TAF1B: variants seen among roughly 807,000 people sequenced by gnomAD.
TAF1B encodes the protein TATA box-binding protein-associated factor RNA polymerase I subunit B.
Under a neutral mutation model 83.9 loss-of-function variants are expected in TAF1B, and 61 were observed. That is an observed-to-expected ratio of 0.73 (90% CI 0.59 to 0.90). The LOEUF (loss-of-function observed/expected upper bound fraction) is 0.90, where lower values mean the gene tolerates loss of function less well. Among genes scored for constraint, TAF1B ranks in the 40% least tolerant of loss-of-function variants. The probability of loss-of-function intolerance (pLI) is 0.00; values close to 1 mark genes in which losing one functional copy is unlikely to be tolerated. For synonymous variants in TAF1B, 221 were observed against 224.6 expected, an observed-to-expected ratio of 0.98 and a Z score of 0.14; for missense variants, 625 against 677.0, an observed-to-expected ratio of 0.92 and a Z score of 0.85.
At chr2:9,861,687 G>C (rs570501887) in intron 5 of TAF1B, among the ~76,000 whole-genome samples, 1 of 152,246 alleles carries the variant, frequency 6.6e-6, no homozygotes. Context: ...CTAACTGGGA[G>C]GCACCCCCCA....
In TAF1B at chr2:9,911,371, T is replaced by A; in HGVS notation, c.1134-140T>A. ...ACAGTATTTATAGTGTCTCCTCCTC[T>A]GTTTCAGTGATTGCTTCTCCATTAA... On this transcript the variant is annotated intron_variant, in intron 10 of 14. Coordinates refer to ENST00000263663, the MANE Select transcript of TAF1B (RefSeq NM_005680.3). 8.1e-6 allele frequency: 5 copies of A among 614,318 alleles called. No homozygotes were observed. The South Asian group carries it at 9.3e-5, about 11-fold the overall frequency. The allele number at this position is 614,318 out of a possible 1,614,324, so 38.1% of individuals were successfully genotyped here. A position where few individuals can be genotyped will look rare whatever the true frequency, so the allele number is the denominator to read the frequency against.
At chr2:9,908,831 T>C (rs1249998999) in intron 9 of TAF1B, among the ~76,000 whole-genome samples, 2 of 152,244 alleles carry the variant, frequency 1.3e-5, no homozygotes, top group African/African-American at 4.8e-5. Context: ...CTGTTTGCAT[T>C]TCCTGAAAGC....
chr2:9,862,968 C>T (rs1283877931), intron 5 of TAF1B, among the ~76,000 whole-genome samples: 49 of 152,196 alleles, frequency 3.2e-4, no homozygotes, highest in Non-Finnish European at 3.8e-4. Flanking sequence ...AAGGAACAAC[C>T]GGTACCAGCC....
chr2:9,876,102 TAAG>T, intron 7 of TAF1B, 84 bp downstream of exon 7: 1 of 1,384,166 alleles, frequency 7.2e-7, no homozygotes, highest in East Asian at 2.3e-5. Flanking sequence ...TTGATTTTTA[TAAG>T]AAGGCTTAAC....
At chr2:9,860,056 G>C (rs1334613837) in intron 5 of TAF1B, among the ~76,000 whole-genome samples, 1 of 152,184 alleles carries the variant, frequency 6.6e-6, no homozygotes, top group Non-Finnish European at 1.5e-5. Flanking sequence ...GAGTGTGCAG[G>C]GGGAAATGCC....
intron 8 of TAF1B, among the ~76,000 whole-genome samples, chr2:9,889,942 T>C (rs973052672): frequency 2.0e-5 from 3 of 152,202 alleles, no homozygotes; most frequent in African/African-American, 7.2e-5. Flanking sequence ...GTTATTTTTT[T>C]CCCTGGCCTC....
intron 2 of TAF1B, among the ~76,000 whole-genome samples, chr2:9,847,186 C>G (rs372238485): frequency 1.3e-5 from 2 of 152,184 alleles, no homozygotes; most frequent in African/African-American, 4.8e-5. Context: ...GGAAGACTGT[C>G]AACTCCTGTG....
rs527579370 is a variant in TAF1B, at chr2:9,919,686, C to T, written c.1431C>T (p.Phe477=). The change falls in exon 14 of 15, where the codon TTC becomes TTT. Residue 477 remains phenylalanine (F), a synonymous_variant. Coordinates refer to ENST00000263663, the MANE Select transcript of TAF1B (RefSeq NM_005680.3). ...AGKKSPSSFQ[F]NWTEEDTDRT... ...AAAAAAGCCCTTCAAGTTTTCAGTT[C>T]AACTGGACTGAAGAGGACACTGATA... The T allele has an allele frequency of 3.7e-6, 6 of 1,614,170 alleles. No individual in the cohort carries two copies. The African/African-American group carries it at 8.0e-5, about 22-fold the overall frequency.
At chr2:9,919,947 G>A in intron 14 of TAF1B, 127 bp downstream of exon 14, 1 of 855,614 alleles carries the variant, frequency 1.2e-6, no homozygotes, top group Non-Finnish European at 1.8e-6. Context: ...TATACATTGA[G>A]TCTTGTGTAG....
intron 7 of TAF1B, among the ~76,000 whole-genome samples, chr2:9,876,981 C>T (rs929299910): frequency 4.6e-5 from 7 of 152,130 alleles, no homozygotes; most frequent in Admixed American, 1.3e-4. Context: ...AAATGTAATG[C>T]CTCCAGTAAA....
At chr2:9,847,338 T>C (rs1023794768) in intron 2 of TAF1B, among the ~76,000 whole-genome samples, 4 of 152,218 alleles carry the variant, frequency 2.6e-5, no homozygotes, top group African/African-American at 9.6e-5. Flanking sequence ...GTAGTTATTC[T>C]TGGCTTTATG....
chr2:9,904,778 G>A, intron 8 of TAF1B, 81 bp from the exon 9 acceptor site: 1 of 1,351,758 alleles, frequency 7.4e-7, no homozygotes, highest in Non-Finnish European at 1.0e-6. Flanking sequence ...TTTAATAATA[G>A]CCATTCTAAA....
chr2:9,862,322 A>G (rs1213009579), intron 5 of TAF1B, among the ~76,000 whole-genome samples: 5 of 152,240 alleles, frequency 3.3e-5, no homozygotes, highest in South Asian at 4.1e-4. Flanking sequence ...AGCTGATGCA[A>G]TCAACTGGAA....
intron 6 of TAF1B, among the ~76,000 whole-genome samples, chr2:9,874,071 A>G (rs1392652012): frequency 1.3e-5 from 2 of 152,004 alleles, no homozygotes; most frequent in Non-Finnish European, 2.9e-5. Flanking sequence ...CATTCCCACC[A>G]CTTTCCCTCA....
chr2:9,912,453 A>C (rs1374623539), intron 11 of TAF1B, among the ~76,000 whole-genome samples: 1 of 152,210 alleles, frequency 6.6e-6, no homozygotes, highest in Non-Finnish European at 1.5e-5. Flanking sequence ...TGTTCTTTCC[A>C]GAATATGTGC....
chr2:9,851,409 C>A, intron 3 of TAF1B, 132 bp from the exon 4 acceptor site: 1 of 576,218 alleles, frequency 1.7e-6, no homozygotes, highest in Non-Finnish European at 2.8e-6. Context: ...TGCTAAGCTG[C>A]TAAGTTCTGG....
At chr2:9,863,790 AACTC>A (rs1174844776) in intron 5 of TAF1B, among the ~76,000 whole-genome samples, 1 of 152,230 alleles carries the variant, frequency 6.6e-6, no homozygotes, top group Admixed American at 6.5e-5. Context: ...AAGATTAAGA[AACTC>A]ACTCAAAACT....
At position 9,910,883 on chromosome 2, in the gene TAF1B, T is replaced by C. The variant is rs1249685243; in HGVS notation, c.1103T>C (p.Leu368Pro). The change falls in exon 10 of 15, where the codon CTG becomes CCG. Residue 368 changes from leucine (L) to proline (P), a missense_variant. By Grantham distance (98) the Leu-to-Pro change is moderately conservative. Coordinates refer to ENST00000263663, the MANE Select transcript of TAF1B (RefSeq NM_005680.3). ...GCTATCATTGTGGTGGTATTGAAACTGCTCTTTCTATTGGATGACAGTTTC... is the reference window on the plus strand; with the variant it reads ...GCTATCATTGTGGTGGTATTGAAACCGCTCTTTCTATTGGATGACAGTTTC... ...AVAIIVVVLK[L>P]LFLLDDSFEW... 6.2e-7 allele frequency: 1 copy of C among 1,611,416 alleles called. No individual in the cohort carries two copies. The highest frequency in any genetic ancestry group is 1.3e-5 in the African/African-American group (1 of 74,902).
intron 5 of TAF1B, among the ~76,000 whole-genome samples, chr2:9,854,961 A>C (rs1663512310): frequency 3.3e-5 from 5 of 152,042 alleles, no homozygotes. Flanking sequence ...TTCTACTTCT[A>C]AGAAAAGCAA....
Sources: allele counts gnomAD v4.1 joint callset (sites outside exome capture counted in the v4.1 genomes callset), GRCh38; gene constraint gnomAD v4.1.1; transcripts MANE v1.5; gene names NCBI Gene and HGNC (gene_info 2026-07-23, HGNC 2026-07-21).